RAPGEF6: variants seen among roughly 807,000 people sequenced by gnomAD.
RAPGEF6 encodes PDZ domain containing guanine nucleotide exchange factor (GEF) 2.
RAPGEF6 carries 56 observed loss-of-function variants against 171.4 expected under a neutral mutation model. The ratio of observed to expected loss-of-function variants is 0.33; its 90% CI spans 0.26 to 0.41. The LOEUF is 0.41. Among genes scored for constraint, RAPGEF6 ranks in the 10% least tolerant of loss-of-function variants. The pLI is 1.00. For synonymous variants in RAPGEF6, 692 were observed against 650.1 expected, an observed-to-expected ratio of 1.06 and a Z score of -0.98; for missense variants, 1,674 against 1,921.4, an observed-to-expected ratio of 0.87 and a Z score of 2.41.
intron 21 of RAPGEF6, among the ~76,000 whole-genome samples, chr5:131,449,774 C>T (rs1752941258): frequency 6.6e-6 from 1 of 152,144 alleles, no homozygotes; most frequent in Non-Finnish European, 1.5e-5. Context: ...TCATTATCAT[C>T]ATCTAACTGA....
intron 1 of RAPGEF6, among the ~76,000 whole-genome samples, chr5:131,629,829 C>G (rs1766187952): frequency 6.6e-6 from 1 of 150,748 alleles, no homozygotes; most frequent in Non-Finnish European, 1.5e-5. Flanking sequence ...GACTAAATTG[C>G]TGCAATCTCA....
chr5:131,444,113 T>G (rs1429048308), intron 22 of RAPGEF6, among the ~76,000 whole-genome samples: 1 of 152,214 alleles, frequency 6.6e-6, no homozygotes, highest in Non-Finnish European at 1.5e-5. Flanking sequence ...GTATTTGTTT[T>G]AAACATCAAG....
At chr5:131,473,069 G>A (rs1754859771) in intron 16 of RAPGEF6, 1 of 263,542 alleles carries the variant, frequency 3.8e-6, no homozygotes, top group Non-Finnish European at 7.3e-6. Context: ...GCCAGTTTTA[G>A]TGGACACTAA....
chr5:131,591,860 A>G (rs1007909842), intron 4 of RAPGEF6, among the ~76,000 whole-genome samples: 2 of 151,606 alleles, frequency 1.3e-5, no homozygotes, highest in Admixed American at 6.6e-5. Flanking sequence ...CATAAAACTA[A>G]TTTTTTTTTC....
At position 131,426,733 on chromosome 5, in the gene RAPGEF6, G is replaced by A; in HGVS notation, c.*533C>T. On this transcript the variant is annotated 3_prime_UTR_variant, in exon 28 of 28. Transcript: ENST00000509018. ...ACCTCTGTAAAGATGACTTCTGTTT[G>A]GTCAGACCAGAGACAATTTTATGAC... The A allele has an allele frequency of 1.2e-5, 2 of 165,232 alleles. No individual in the cohort carries two copies. Among genetic ancestry groups the A allele is most frequent in the South Asian group, 1.7e-4 (1 of 5,900 alleles). The allele number at this position is 165,232 out of a possible 1,614,324, so 10.2% of individuals were successfully genotyped here. A position where few individuals can be genotyped will look rare whatever the true frequency, so the allele number is the denominator to read the frequency against.
rs749579004 is a variant in RAPGEF6, at chr5:131,527,303, CAAA to C, written c.496-5785_496-5783del. Among the ~76,000 whole-genome samples the C allele has an allele frequency of 3.7e-3, 561 of 151,536 alleles. 3 individuals carry two copies. The highest frequency in any genetic ancestry group is 8.2e-3 in the African/African-American group (341 of 41,334). ...GAAAAAAACAAAACAACAACAACAA[CAAA>C]AAAAAACAGCTGGAAGAGAATGTTA... On this transcript the variant is annotated intron_variant, in intron 6 of 27. Coordinates refer to ENST00000509018, the MANE Select transcript of RAPGEF6 (RefSeq NM_016340.6).
At chr5:131,449,566 G>C (rs1342655763) in intron 21 of RAPGEF6, among the ~76,000 whole-genome samples, 3 of 152,044 alleles carry the variant, frequency 2.0e-5, no homozygotes, top group Admixed American at 2.0e-4. Context: ...AAAGTGGTGT[G>C]AACTCTAGAA....
intron 7 of RAPGEF6, among the ~76,000 whole-genome samples, chr5:131,519,390 T>C (rs1464118143): frequency 6.6e-6 from 1 of 152,120 alleles, no homozygotes; most frequent in Non-Finnish European, 1.5e-5. Context: ...ACCAGGTTCT[T>C]ATAGTTTTTC....
chr5:131,578,680 C>T (rs754515945), intron 4 of RAPGEF6, among the ~76,000 whole-genome samples: 9 of 152,162 alleles, frequency 5.9e-5, no homozygotes, highest in African/African-American at 1.7e-4. Context: ...AAACTTCCAC[C>T]GTCCAAATGT....
At chr5:131,618,761 C>T (rs1765424307) in intron 1 of RAPGEF6, among the ~76,000 whole-genome samples, 1 of 152,186 alleles carries the variant, frequency 6.6e-6, no homozygotes, top group Non-Finnish European at 1.5e-5. Context: ...GACATTCACA[C>T]ATTCTCCAAC....
intron 6 of RAPGEF6, among the ~76,000 whole-genome samples, chr5:131,524,710 G>GGT (rs1297317463): frequency 6.6e-6 from 1 of 151,788 alleles, no homozygotes; most frequent in African/African-American, 2.4e-5. Flanking sequence ...CTGCCTCCTG[G>GGT]GTTTGAGTGT....
At chr5:131,554,720 T>C (rs1761124319) in intron 5 of RAPGEF6, among the ~76,000 whole-genome samples, 2 of 152,140 alleles carry the variant, frequency 1.3e-5, no homozygotes, top group Admixed American at 1.3e-4. Context: ...TTTCACCATG[T>C]TGGCCAGGCT....
At chr5:131,565,558 A>G (rs1272576729) in intron 4 of RAPGEF6, among the ~76,000 whole-genome samples, 1 of 152,218 alleles carries the variant, frequency 6.6e-6, no homozygotes, top group Admixed American at 6.5e-5. Flanking sequence ...TTTGGAAAAT[A>G]AGAACAAAGT....
chr5:131,595,871 G>A (rs1296303184), intron 3 of RAPGEF6, among the ~76,000 whole-genome samples: 1 of 152,254 alleles, frequency 6.6e-6, no homozygotes, highest in Non-Finnish European at 1.5e-5. Context: ...AAGGGACAGA[G>A]GTTGGGTGCA....
At chr5:131,478,937 T>C (rs1755286607) in intron 16 of RAPGEF6, among the ~76,000 whole-genome samples, 1 of 152,220 alleles carries the variant, frequency 6.6e-6, no homozygotes, top group African/African-American at 2.4e-5. Flanking sequence ...TTAGAACTTT[T>C]GTAATTGCTT....
At chr5:131,536,637 C>T in intron 6 of RAPGEF6, among the ~76,000 whole-genome samples, 1 of 152,024 alleles carries the variant, frequency 6.6e-6, no homozygotes. Context: ...GAGAGAGAAA[C>T]CGTCATCATC....
chr5:131,630,441 A>G (rs1024081257), intron 1 of RAPGEF6, among the ~76,000 whole-genome samples: 2 of 152,212 alleles, frequency 1.3e-5, no homozygotes, highest in African/African-American at 4.8e-5. Context: ...GTAGTCTGGA[A>G]CCAAACCTGC....
At chr5:131,442,826 C>T (rs1050532347) in intron 22 of RAPGEF6, among the ~76,000 whole-genome samples, 25 of 152,186 alleles carry the variant, frequency 1.6e-4, no homozygotes, top group African/African-American at 3.4e-4. Context: ...TTCGCTCTGT[C>T]GCCCGGGCTG....
chr5:131,479,388 T>C, intron 16 of RAPGEF6, 125 bp downstream of exon 16: 1 of 984,476 alleles, frequency 1.0e-6, no homozygotes, highest in Non-Finnish European at 1.5e-6. Flanking sequence ...TGAGTACTGT[T>C]TGAAGACTTT....
Sources: allele counts gnomAD v4.1 joint callset (sites outside exome capture counted in the v4.1 genomes callset), GRCh38; gene constraint gnomAD v4.1.1; transcripts MANE v1.5; gene names NCBI Gene and HGNC (gene_info 2026-07-23, HGNC 2026-07-21).